Variants in PDZD2 observed in about 807,000 individuals in gnomAD.
The protein encoded by PDZD2 is PDZ domain-containing protein 2.
PDZD2 carries 90 observed loss-of-function variants against 220.7 expected under a neutral mutation model. That is an observed-to-expected ratio of 0.41 (90% CI 0.34 to 0.49). The LOEUF is 0.49. PDZD2 is among the 20% of genes least tolerant of loss of function. The probability of loss-of-function intolerance (pLI) is 0.28; values close to 1 mark genes in which losing one functional copy is unlikely to be tolerated. For synonymous variants in PDZD2, 1,375 were observed against 1,450.5 expected (o/e 0.95, Z 1.18); for missense variants, 3,174 against 3,608.5 (o/e 0.88, Z 3.08).
intron 1 of PDZD2, among the ~76,000 whole-genome samples, chr5:31,733,020 C>T (rs1018021706): frequency 3.3e-5 from 5 of 152,170 alleles, no homozygotes; most frequent in Admixed American, 2.0e-4. Flanking sequence ...TGAGCCACCG[C>T]GCCCGGCCGG....
chr5:31,943,183 A>G (rs1746356036), intron 2 of PDZD2, among the ~76,000 whole-genome samples: 1 of 149,494 alleles, frequency 6.7e-6, no homozygotes, highest in Non-Finnish European at 1.5e-5. Flanking sequence ...AGCCTGGGCA[A>G]CAGAGCAAGA....
intron 2 of PDZD2, among the ~76,000 whole-genome samples, chr5:31,954,930 C>G (rs2111642724): frequency 6.6e-6 from 1 of 152,042 alleles, no homozygotes; most frequent in Middle Eastern, 3.4e-3. Flanking sequence ...GAGAGAGACT[C>G]TGTCTCAAAA....
intron 2 of PDZD2, among the ~76,000 whole-genome samples, chr5:31,848,309 CAAG>C (rs752630318): frequency 9.2e-5 from 14 of 152,212 alleles, no homozygotes; most frequent in Non-Finnish European, 1.6e-4. Flanking sequence ...GCATCACAGT[CAAG>C]AAGCATTTGT....
At chr5:31,997,091 T>C (rs73070468) in intron 4 of PDZD2, among the ~76,000 whole-genome samples, 4,598 of 152,246 alleles carry the variant, frequency 0.03, 124 homozygotes, top group African/African-American at 0.071. Context: ...TGCTGGGGCG[T>C]GTACGTATGT....
chr5:31,645,900 G>A (rs2150103379), intron 1 of PDZD2, among the ~76,000 whole-genome samples: 1 of 152,212 alleles, frequency 6.6e-6, no homozygotes, highest in African/African-American at 2.4e-5. Flanking sequence ...GTACTGGGAG[G>A]AGGGTGGGAG....
intron 2 of PDZD2, among the ~76,000 whole-genome samples, chr5:31,897,585 G>T (rs1741682439): frequency 6.6e-6 from 1 of 152,206 alleles, no homozygotes; most frequent in Non-Finnish European, 1.5e-5. Flanking sequence ...TCCTATTGAT[G>T]TGAAAATATT....
In PDZD2 at chr5:31,935,366, T is replaced by A. The variant is rs972692936; in HGVS notation, c.477-47789T>A. On this transcript the variant is annotated intron_variant, in intron 2 of 24. Transcript: ENST00000438447. ...AATAGAAACTACTATATATGTGTGT[T>A]GGTTTAGGGAAGCCTATTTTTTAAC... Among the ~76,000 whole-genome samples, 6 of 152,316 alleles carry A rather than the reference T, an allele frequency of 3.9e-5. No individual in the cohort carries two copies. In the East Asian group the frequency reaches 1.2e-3, roughly 29 times the overall value.
chr5:31,794,545 C>T (rs1222129930), intron 1 of PDZD2, among the ~76,000 whole-genome samples: 3 of 151,598 alleles, frequency 2.0e-5, no homozygotes, highest in South Asian at 2.1e-4. Context: ...GGACTACGGG[C>T]GCCCACCACC....
At chr5:31,704,038 G>A (rs1580590477) in intron 1 of PDZD2, among the ~76,000 whole-genome samples, 1 of 125,034 alleles carries the variant, frequency 8.0e-6, no homozygotes, top group Admixed American at 9.8e-5. Flanking sequence ...TTTCTTTCTT[G>A]ATCTTGCTGT....
intron 2 of PDZD2, among the ~76,000 whole-genome samples, chr5:31,807,738 G>T (rs1754824210): frequency 6.6e-6 from 1 of 152,166 alleles, no homozygotes; most frequent in African/African-American, 2.4e-5. Flanking sequence ...CAGCACCTTT[G>T]AGTTCCGGGA....
intron 2 of PDZD2, among the ~76,000 whole-genome samples, chr5:31,887,010 C>G (rs1339624011): frequency 2.6e-5 from 4 of 152,174 alleles, no homozygotes; most frequent in Admixed American, 1.3e-4. Context: ...CTGTACTTAT[C>G]TCTTGAATGC....
intron 1 of PDZD2, among the ~76,000 whole-genome samples, chr5:31,706,223 T>G (rs571476064): frequency 1.4e-4 from 22 of 152,318 alleles, no homozygotes; most frequent in African/African-American, 4.6e-4. Context: ...TATGGTCCTG[T>G]GTACATTGCT....
intron 2 of PDZD2, among the ~76,000 whole-genome samples, chr5:31,819,298 C>G (rs1377467319): frequency 6.6e-6 from 1 of 152,166 alleles, no homozygotes; most frequent in Non-Finnish European, 1.5e-5. Context: ...GGAGGTTCCT[C>G]ATGTGATTTA....
At chr5:31,906,278 G>A (rs1296542762) in intron 2 of PDZD2, among the ~76,000 whole-genome samples, 1 of 148,270 alleles carries the variant, frequency 6.7e-6, no homozygotes, top group African/African-American at 2.5e-5. Context: ...TGTTGTTGTT[G>A]TTGTTGTTGT....
chr5:31,815,902 A>T (rs944943019), intron 2 of PDZD2, among the ~76,000 whole-genome samples: 1 of 152,162 alleles, frequency 6.6e-6, no homozygotes, highest in Admixed American at 6.6e-5. Context: ...CTCTTGGCCT[A>T]TTTCAGGGAA....
At chr5:32,076,288 G>GAAAAAAAAAAAA (rs67898034) in intron 18 of PDZD2, among the ~76,000 whole-genome samples, 2 of 87,932 alleles carry the variant, frequency 2.3e-5, no homozygotes, top group African/African-American at 4.4e-5. Flanking sequence ...TCGGTCTCAA[G>GAAAAAAAAAAAA]AAAAAAAAAA....
At chr5:31,924,629 T>C (rs1744580484) in intron 2 of PDZD2, among the ~76,000 whole-genome samples, 2 of 152,204 alleles carry the variant, frequency 1.3e-5, no homozygotes, top group South Asian at 4.1e-4. Context: ...CAAGTTTATG[T>C]GGCGCATGTG....
chr5:31,659,875 A>G (rs1459049095), intron 1 of PDZD2, among the ~76,000 whole-genome samples: 1 of 152,202 alleles, frequency 6.6e-6, no homozygotes, highest in African/African-American at 2.4e-5. Context: ...GTGGCTTCAA[A>G]TGCTGATACC....
At chr5:32,044,373 G>A (rs1368372873) in intron 7 of PDZD2, among the ~76,000 whole-genome samples, 1 of 152,028 alleles carries the variant, frequency 6.6e-6, no homozygotes, top group Admixed American at 6.6e-5. Context: ...AGTCCCAGTG[G>A]GAGGTAGTAC....
Sources: allele counts gnomAD v4.1 joint callset (sites outside exome capture counted in the v4.1 genomes callset), GRCh38; gene constraint gnomAD v4.1.1; transcripts MANE v1.5; gene names NCBI Gene and HGNC (gene_info 2026-07-23, HGNC 2026-07-21).